The following CSMD1 variants were observed in gnomAD, a reference collection of about 807,000 sequenced individuals.
CSMD1 encodes CUB and sushi domain-containing protein 1.
A neutral mutation model predicts 417.5 loss-of-function variants in CSMD1; 213 were observed. The observed-to-expected ratio is 0.51, with a 90% CI of 0.46 to 0.57. The LOEUF (loss-of-function observed/expected upper bound fraction) is 0.57, where lower values mean the gene tolerates loss of function less well. Ranked by LOEUF, CSMD1 falls within the 20% of genes least tolerant of loss-of-function variation. CSMD1 has a pLI of 0.00. For missense variants in CSMD1, 6,923 were observed against 4,529.7 expected (o/e 1.53, Z -15.17); for synonymous variants, 2,862 against 1,736.8 (o/e 1.65, Z -16.11).
intron 6 of CSMD1, among the ~76,000 whole-genome samples, chr8:3,726,863 A>T (rs10104175): frequency 0.017 from 2,552 of 152,324 alleles, 74 homozygotes; most frequent in African/African-American, 0.057. Flanking sequence ...CCCTGCCCAA[A>T]GATAGATTTC....
chr8:4,259,172 G>A (rs188147156), intron 3 of CSMD1, among the ~76,000 whole-genome samples: 9 of 152,228 alleles, frequency 5.9e-5, no homozygotes, highest in Admixed American at 5.9e-4. Context: ...GAAGCTAAGG[G>A]CCATGCACTC....
intron 12 of CSMD1, among the ~76,000 whole-genome samples, chr8:3,447,703 T>A (rs1011258469): frequency 2.6e-5 from 4 of 152,182 alleles, no homozygotes; most frequent in African/African-American, 9.6e-5. Flanking sequence ...TCCTGGGGGT[T>A]TGCTTCAGCC....
intron 2 of CSMD1, among the ~76,000 whole-genome samples, chr8:4,469,904 G>A (rs935176036): frequency 6.7e-6 from 1 of 150,152 alleles, no homozygotes; most frequent in Non-Finnish European, 1.5e-5. Flanking sequence ...GTGTCGCTCT[G>A]TCGCCCTGGC....
intron 18 of CSMD1, among the ~76,000 whole-genome samples, chr8:3,379,160 G>A (rs1328473759): frequency 6.6e-6 from 1 of 152,092 alleles, no homozygotes; most frequent in African/African-American, 2.4e-5. Flanking sequence ...GCTACAAAGA[G>A]AATAAAATGC....
chr8:4,837,716 G>C (rs375642572), intron 1 of CSMD1, among the ~76,000 whole-genome samples: 8 of 152,116 alleles, frequency 5.3e-5, no homozygotes, highest in African/African-American at 1.4e-4. Context: ...GGTGACTATA[G>C]TCAGTAATAA....
At chr8:3,090,384 G>A (rs1188816134) in intron 48 of CSMD1, among the ~76,000 whole-genome samples, 1 of 149,574 alleles carries the variant, frequency 6.7e-6, no homozygotes, top group Non-Finnish European at 1.5e-5. Context: ...TTTGCTGAAT[G>A]CAAATCCCAT....
intron 1 of CSMD1, among the ~76,000 whole-genome samples, chr8:4,982,987 A>T (rs1042649611): frequency 3.9e-5 from 6 of 152,220 alleles, no homozygotes; most frequent in Non-Finnish European, 8.8e-5. Flanking sequence ...AATAGTCATG[A>T]AGATCAAAAT....
rs922466357 is a variant in CSMD1, at chr8:4,726,598, T to C, written c.86-89040A>G. On this transcript the variant is annotated intron_variant, in intron 1 of 69. Coordinates refer to ENST00000635120, the MANE Select transcript of CSMD1 (RefSeq NM_033225.6). The stretch of plus-strand genomic sequence containing the variant: ...CAGGTGAGACGTCTAGGGCCTCCCA[T>C]CAGCTTCTGCAAAAGATAGAAACCC... Among the ~76,000 whole-genome samples the C allele has an allele frequency of 2.6e-5, 4 of 152,262 alleles. No individual in the cohort carries two copies. In the East Asian group the frequency reaches 7.7e-4, roughly 29 times the overall value.
intron 2 of CSMD1, among the ~76,000 whole-genome samples, chr8:4,422,495 C>G (rs977650707): frequency 6.6e-6 from 1 of 152,076 alleles, no homozygotes; most frequent in South Asian, 2.1e-4. Flanking sequence ...TCCTTTCTCC[C>G]TGGACACATA....
intron 2 of CSMD1, among the ~76,000 whole-genome samples, chr8:4,421,325 A>G (rs1050621838): frequency 5.3e-5 from 8 of 152,200 alleles, no homozygotes; most frequent in South Asian, 2.1e-4. Context: ...TCAACCCTAT[A>G]TAACAGTATT....
At chr8:3,534,067 T>A (rs541608510) in intron 10 of CSMD1, among the ~76,000 whole-genome samples, 1 of 152,292 alleles carries the variant, frequency 6.6e-6, no homozygotes. Flanking sequence ...AGTTTTGACT[T>A]CCTTTGAAAT....
intron 2 of CSMD1, among the ~76,000 whole-genome samples, chr8:4,426,270 A>C (rs544640551): frequency 2.8e-4 from 43 of 151,838 alleles, no homozygotes; most frequent in African/African-American, 1.0e-3. Flanking sequence ...AAGTTATTCC[A>C]ATTTCTGTTC....
Position 4,266,620 on chromosome 8 carries a change from G to C in CSMD1, c.415+153333C>G, listed in dbSNP as rs1804242276. ...CCCCACTAATGGCGTAAAGTGACCT[G>C]TCCTGCAGTTGAACATTTTTATTTG... On this transcript the variant is annotated intron_variant, in intron 3 of 69. Transcript: ENST00000635120. Among the ~76,000 whole-genome samples, 2 of 105,036 alleles carry C rather than the reference G, an allele frequency of 1.9e-5. 1 individual carries two copies. The highest frequency in any genetic ancestry group is 5.1e-4 in the East Asian group (2 of 3,912). The allele number at this position is 105,036 out of a possible 152,430, so 68.9% of individuals were successfully genotyped here.
intron 46 of CSMD1, among the ~76,000 whole-genome samples, chr8:3,099,444 T>A (rs1001134211): frequency 5.3e-5 from 8 of 152,188 alleles, no homozygotes; most frequent in African/African-American, 1.9e-4. Flanking sequence ...TTCACCTGAC[T>A]TTGGGTCTAT....
chr8:4,216,271 C>A (rs564923157), intron 3 of CSMD1, among the ~76,000 whole-genome samples: 1 of 152,072 alleles, frequency 6.6e-6, no homozygotes, highest in Non-Finnish European at 1.5e-5. Context: ...TCTACGAGAC[C>A]TGACCTTCTC....
At chr8:4,088,308 G>T (rs761861683) in intron 3 of CSMD1, among the ~76,000 whole-genome samples, 1 of 152,212 alleles carries the variant, frequency 6.6e-6, no homozygotes, top group Non-Finnish European at 1.5e-5. Flanking sequence ...AGCCTGCAAA[G>T]CTAGAGTTCA....
chr8:3,242,314 G>T (rs35977179), intron 26 of CSMD1, among the ~76,000 whole-genome samples: 112,377 of 147,964 alleles, frequency 0.76, 43,478 homozygotes, highest in Non-Finnish European at 0.85. Flanking sequence ...GTCAGATGGG[G>T]CTGTAGAAAA....
At chr8:4,605,656 T>C (rs896408669) in intron 2 of CSMD1, among the ~76,000 whole-genome samples, 2 of 152,240 alleles carry the variant, frequency 1.3e-5, no homozygotes, top group Non-Finnish European at 2.9e-5. Context: ...TTATCTTCCT[T>C]ATAATGCTTT....
At chr8:4,188,422 G>A (rs1011416753) in intron 3 of CSMD1, among the ~76,000 whole-genome samples, 1 of 152,028 alleles carries the variant, frequency 6.6e-6, no homozygotes, top group African/African-American at 2.4e-5. Context: ...AGATTATTTC[G>A]GCAGATACAA....
Sources: allele counts gnomAD v4.1 joint callset (sites outside exome capture counted in the v4.1 genomes callset), GRCh38; gene constraint gnomAD v4.1.1; transcripts MANE v1.5; gene names NCBI Gene and HGNC (gene_info 2026-07-23, HGNC 2026-07-21).